APP: variants seen among roughly 807,000 people sequenced by gnomAD.
APP encodes the protein amyloid-beta precursor protein.
A neutral mutation model predicts 101.4 loss-of-function variants in APP; 31 were observed. That is an observed-to-expected ratio of 0.31 (90% CI 0.23 to 0.41). The LOEUF is 0.41. Ranked by LOEUF, APP falls within the 10% of genes least tolerant of loss-of-function variation. The pLI is 1.00. For missense variants in APP, 839 were observed against 1,003.7 expected, an observed-to-expected ratio of 0.84 and a Z score of 2.22; for synonymous variants, 366 against 364.4, an observed-to-expected ratio of 1.00 and a Z score of -0.05.
chr21:25,957,279 G>A (rs1187035087), intron 11 of APP, among the ~76,000 whole-genome samples: 1 of 152,006 alleles, frequency 6.6e-6, no homozygotes, highest in Non-Finnish European at 1.5e-5. Flanking sequence ...TTAAATCTCA[G>A]AAGAAAAGTA....
intron 1 of APP, among the ~76,000 whole-genome samples, chr21:26,137,464 G>A (rs1190461909): frequency 6.6e-6 from 1 of 152,026 alleles, no homozygotes; most frequent in Non-Finnish European, 1.5e-5. Flanking sequence ...ATTTCAAGTT[G>A]TCTTTTAAGT....
intron 2 of APP, among the ~76,000 whole-genome samples, chr21:26,100,236 T>TC (rs34030307): frequency 1 from 152,338 of 152,338 alleles, 76,169 homozygotes; most frequent in Non-Finnish European, 1. Flanking sequence ...CTAGAAGAAA[T>TC]CTACGGTCAG....
At chr21:25,895,926 C>T (rs969595325) in intron 16 of APP, among the ~76,000 whole-genome samples, 1 of 152,098 alleles carries the variant, frequency 6.6e-6, no homozygotes, top group Non-Finnish European at 1.5e-5. Flanking sequence ...CTTAACTAGT[C>T]CAGTAGAGGG....
intron 3 of APP, among the ~76,000 whole-genome samples, chr21:26,086,800 T>C (rs1332128126): frequency 6.6e-6 from 1 of 152,220 alleles, no homozygotes; most frequent in African/African-American, 2.4e-5. Flanking sequence ...AGTGCTATTG[T>C]CTCTAATTCA....
At chr21:25,935,075 C>T (rs1332123407) in intron 13 of APP, 1 of 152,138 alleles carries the variant, frequency 6.6e-6, no homozygotes, top group East Asian at 1.9e-4. Flanking sequence ...TCCAATAAGC[C>T]AGAAGCTGAG....
intron 1 of APP, among the ~76,000 whole-genome samples, chr21:26,131,937 TTAAA>T (rs1720134856): frequency 1.3e-5 from 2 of 152,198 alleles, no homozygotes; most frequent in South Asian, 4.1e-4. Flanking sequence ...TCCTGTTTTC[TTAAA>T]TAAGGAAAAA....
chr21:25,986,570 CAT>C (rs1601120050), intron 8 of APP, among the ~76,000 whole-genome samples: 1 of 152,026 alleles, frequency 6.6e-6, no homozygotes, highest in Non-Finnish European at 1.5e-5. Flanking sequence ...TGTGGTGGCG[CAT>C]GCCTGTAATC....
chr21:26,134,826 A>G (rs2062862597), intron 1 of APP, among the ~76,000 whole-genome samples: 1 of 152,220 alleles, frequency 6.6e-6, no homozygotes, highest in Admixed American at 6.5e-5. Flanking sequence ...CAAGGATTTT[A>G]GGAGCTAAAT....
At chr21:26,030,233 C>T (rs569149058) in intron 5 of APP, among the ~76,000 whole-genome samples, 202 of 152,308 alleles carry the variant, frequency 1.3e-3, no homozygotes, top group Non-Finnish European at 2.3e-3. Context: ...ATAAAAAGTG[C>T]TATTCTGAAT....
chr21:25,944,736 T>C (rs2040731217), intron 13 of APP, among the ~76,000 whole-genome samples: 1 of 152,170 alleles, frequency 6.6e-6, no homozygotes, highest in Non-Finnish European at 1.5e-5. Context: ...AAAATGAACC[T>C]TGAAGGCAGA....
chr21:26,044,705 A>G (rs1486295343), intron 5 of APP, among the ~76,000 whole-genome samples: 1 of 151,968 alleles, frequency 6.6e-6, no homozygotes, highest in Non-Finnish European at 1.5e-5. Flanking sequence ...ACGCCTAGCT[A>G]ATTTTGTATT....
chr21:26,168,222 T>C (rs773609859), intron 1 of APP, among the ~76,000 whole-genome samples: 16 of 152,180 alleles, frequency 1.1e-4, no homozygotes, highest in Non-Finnish European at 1.9e-4. Flanking sequence ...TTTCCCCCGA[T>C]AGCCAAGGCC....
intron 1 of APP, among the ~76,000 whole-genome samples, chr21:26,160,073 AACAG>A (rs1296733328): frequency 1.6e-5 from 2 of 125,210 alleles, no homozygotes; most frequent in Admixed American, 7.6e-5. Flanking sequence ...ACCTCTGTCC[AACAG>A]ACAGAGGTGG....
chr21:26,139,251 C>T (rs2062989430), intron 1 of APP, among the ~76,000 whole-genome samples: 1 of 152,102 alleles, frequency 6.6e-6, no homozygotes, highest in Admixed American at 6.5e-5. Flanking sequence ...ATCAAGGTCC[C>T]CAGACCTAGA....
intron 5 of APP, among the ~76,000 whole-genome samples, chr21:26,028,735 G>A (rs553573752): frequency 2.0e-5 from 3 of 152,110 alleles, no homozygotes; most frequent in Admixed American, 1.3e-4. Flanking sequence ...AACAATATTC[G>A]CTGTGCTTTA....
intron 11 of APP, among the ~76,000 whole-genome samples, chr21:25,958,064 A>T (rs1226096971): frequency 6.6e-6 from 1 of 152,134 alleles, no homozygotes; most frequent in African/African-American, 2.4e-5. Context: ...CCAGTTAGTC[A>T]TCTATGAATG....
intron 17 of APP, among the ~76,000 whole-genome samples, chr21:25,890,107 G>C (rs2037594305): frequency 6.6e-6 from 1 of 152,196 alleles, no homozygotes; most frequent in Non-Finnish European, 1.5e-5. Context: ...AAACATGACA[G>C]TGGGGTCATT....
chr21:25,995,247 CTG>C (rs1568826077), intron 8 of APP, among the ~76,000 whole-genome samples: 1 of 152,164 alleles, frequency 6.6e-6, no homozygotes, highest in African/African-American at 2.4e-5. Flanking sequence ...AAAATAATCA[CTG>C]TTTTATAAAA....
intron 13 of APP, among the ~76,000 whole-genome samples, chr21:25,944,256 G>C (rs1344961412): frequency 6.6e-6 from 1 of 152,106 alleles, no homozygotes; most frequent in East Asian, 1.9e-4. Flanking sequence ...TAACGCCCTG[G>C]CCTTGACCCT....
Sources: gnomAD v4.1 joint callset for allele counts (sites outside exome capture counted in the v4.1 genomes callset) on GRCh38, gnomAD v4.1.1 for gene constraint, MANE v1.5 for transcripts, NCBI Gene and HGNC (gene_info 2026-07-23, HGNC 2026-07-21) for gene names.